SEMA5A: variants seen among roughly 807,000 people sequenced by gnomAD.
The protein encoded by SEMA5A is semaphorin-5A.
A neutral mutation model predicts 135.5 loss-of-function variants in SEMA5A; 55 were observed. The ratio of observed to expected loss-of-function variants is 0.41; its 90% CI spans 0.33 to 0.51. The LOEUF (loss-of-function observed/expected upper bound fraction) is 0.51, where lower values mean the gene tolerates loss of function less well. Among genes scored for constraint, SEMA5A ranks in the 20% least tolerant of loss-of-function variants. The pLI is 0.37. For synonymous variants in SEMA5A, 580 were observed against 546.5 expected, an observed-to-expected ratio of 1.06 and a Z score of -0.85; for missense variants, 1,290 against 1,419.9, an observed-to-expected ratio of 0.91 and a Z score of 1.47.
chr5:9,355,680 A>C (rs1356541715), intron 3 of SEMA5A, among the ~76,000 whole-genome samples: 1 of 152,192 alleles, frequency 6.6e-6, no homozygotes, highest in Non-Finnish European at 1.5e-5. Context: ...GGCTGGGCAG[A>C]AGATAAAGGT....
chr5:9,110,459 C>G lies in SEMA5A; in HGVS notation c.1926-2172G>C, dbSNP rs186730088. Among the ~76,000 whole-genome samples, 6 of 152,290 alleles carry G rather than the reference C, an allele frequency of 3.9e-5. No individual in the cohort carries two copies. In the East Asian group the frequency reaches 1.2e-3, roughly 29 times the overall value. ...TGCAACAATTCAAATGAGAGATACT[C>G]CAACCTAGAAAACGGCGATGGTGTT... On this transcript the variant is annotated intron_variant, in intron 15 of 22. Transcript: ENST00000382496.
intron 11 of SEMA5A, among the ~76,000 whole-genome samples, chr5:9,185,555 T>G (rs1233326600): frequency 6.6e-6 from 1 of 152,228 alleles, no homozygotes. Flanking sequence ...TAAAACAATT[T>G]ATAAAATATA....
intron 1 of SEMA5A, chr5:9,523,052 A>G (rs1736924263): frequency 6.6e-6 from 1 of 152,214 alleles, no homozygotes; most frequent in South Asian, 2.1e-4. Context: ...AGCTAATAAG[A>G]GTGTTTAAAA....
chr5:9,493,036 A>G (rs1183364669), intron 1 of SEMA5A, among the ~76,000 whole-genome samples: 2 of 152,124 alleles, frequency 1.3e-5, no homozygotes, highest in Non-Finnish European at 1.5e-5. Context: ...TGATGTGCCA[A>G]TGTAGGTTGA....
intron 5 of SEMA5A, among the ~76,000 whole-genome samples, chr5:9,311,147 G>A (rs1752110245): frequency 9.1e-5 from 2 of 21,878 alleles, no homozygotes; most frequent in African/African-American, 1.2e-4. Context: ...TTCGCTCAAC[G>A]GGGGGGTCCT....
intron 16 of SEMA5A, among the ~76,000 whole-genome samples, chr5:9,090,374 T>G (rs764488364): frequency 2.0e-5 from 3 of 152,214 alleles, no homozygotes; most frequent in Admixed American, 6.5e-5. Context: ...AACTTCCATT[T>G]CCATCTGCTG....
intron 12 of SEMA5A, among the ~76,000 whole-genome samples, chr5:9,144,316 C>T (rs1742214710): frequency 6.6e-6 from 1 of 152,140 alleles, no homozygotes; most frequent in African/African-American, 2.4e-5. Context: ...ACAATTATGC[C>T]TGAAGAATGC....
At chr5:9,159,314 G>A (rs555891691) in intron 11 of SEMA5A, among the ~76,000 whole-genome samples, 1 of 152,288 alleles carries the variant, frequency 6.6e-6, no homozygotes, top group East Asian at 1.9e-4. Context: ...TATTACTGAG[G>A]ATACAGACTG....
At chr5:9,509,204 C>A (rs1226621389) in intron 1 of SEMA5A, among the ~76,000 whole-genome samples, 2 of 152,030 alleles carry the variant, frequency 1.3e-5, no homozygotes, top group African/African-American at 4.8e-5. Flanking sequence ...TTTTACATTT[C>A]TTCTATGGTC....
At chr5:9,136,897 TCATA>T (rs1211527783) in intron 12 of SEMA5A, among the ~76,000 whole-genome samples, 2 of 152,196 alleles carry the variant, frequency 1.3e-5, no homozygotes, top group South Asian at 2.1e-4. Context: ...CATTTTGCTG[TCATA>T]AATAGTGCTA....
intron 16 of SEMA5A, among the ~76,000 whole-genome samples, chr5:9,099,325 T>C (rs1351388199): frequency 6.6e-6 from 1 of 152,222 alleles, no homozygotes; most frequent in Non-Finnish European, 1.5e-5. Flanking sequence ...ATTTTCACTT[T>C]GACAATCTTT....
intron 6 of SEMA5A, among the ~76,000 whole-genome samples, chr5:9,231,447 C>T (rs1207119125): frequency 1.9e-5 from 2 of 103,066 alleles, no homozygotes; most frequent in African/African-American, 3.9e-5. Flanking sequence ...AGCCTGAGTA[C>T]AGAGCAAGAC....
intron 1 of SEMA5A, among the ~76,000 whole-genome samples, chr5:9,534,597 C>T (rs892158888): frequency 1.3e-5 from 2 of 151,882 alleles, no homozygotes; most frequent in Admixed American, 6.6e-5. Context: ...AAAGCGGTCC[C>T]GATCCAGACC....
intron 3 of SEMA5A, among the ~76,000 whole-genome samples, chr5:9,357,521 G>T (rs1017387375): frequency 3.9e-5 from 6 of 152,108 alleles, no homozygotes; most frequent in African/African-American, 7.2e-5. Flanking sequence ...TTCTATTTTT[G>T]CTCCTCCCCA....
At chr5:9,396,585 C>T (rs1218327786) in intron 2 of SEMA5A, among the ~76,000 whole-genome samples, 1 of 152,122 alleles carries the variant, frequency 6.6e-6, no homozygotes, top group Non-Finnish European at 1.5e-5. Context: ...CTAATGTTCC[C>T]CCTACCTAAA....
At chr5:9,329,536 A>G (rs1049586517) in intron 4 of SEMA5A, among the ~76,000 whole-genome samples, 3 of 152,256 alleles carry the variant, frequency 2.0e-5, no homozygotes, top group Non-Finnish European at 4.4e-5. Flanking sequence ...AAGTAGGTTC[A>G]ATAAATATTT....
At position 9,057,102 on chromosome 5, in the gene SEMA5A, C is replaced by T. The variant is rs147638841; in HGVS notation, c.2519-2845G>A. On this transcript the variant is annotated intron_variant, in intron 18 of 22. Transcript: ENST00000382496. ...AAACTCATAGAAGCAGAGAGTAAAACGGTGGTTGCCAGGGACTGGGGGAGA... is the reference window on the plus strand; with the variant it reads ...AAACTCATAGAAGCAGAGAGTAAAATGGTGGTTGCCAGGGACTGGGGGAGA... 5.4e-3 allele frequency among the ~76,000 whole-genome samples: 829 copies of T among 152,236 alleles called. 9 individuals carry two copies. The highest frequency in any genetic ancestry group is 0.019 in the African/African-American group (807 of 41,546).
At chr5:9,356,116 A>T (rs942628201) in intron 3 of SEMA5A, among the ~76,000 whole-genome samples, 1 of 152,242 alleles carries the variant, frequency 6.6e-6, no homozygotes, top group African/African-American at 2.4e-5. Flanking sequence ...CCCAGAAGTG[A>T]GAGCTGATAG....
intron 8 of SEMA5A, among the ~76,000 whole-genome samples, chr5:9,209,748 A>G (rs1219448388): frequency 6.6e-6 from 1 of 152,246 alleles, no homozygotes; most frequent in Non-Finnish European, 1.5e-5. Context: ...TGTGGCAGTG[A>G]GTGAACAAAT....
Sources: allele counts gnomAD v4.1 joint callset (sites outside exome capture counted in the v4.1 genomes callset), GRCh38; gene constraint gnomAD v4.1.1; transcripts MANE v1.5; gene names NCBI Gene and HGNC (gene_info 2026-07-23, HGNC 2026-07-21).